The following MKLN1 variants were observed in gnomAD, a reference collection of about 807,000 sequenced individuals.
The protein encoded by MKLN1 is muskelin.
Under a neutral mutation model 99.0 loss-of-function variants are expected in MKLN1, and 18 were observed. The observed-to-expected ratio is 0.18, with a 90% CI of 0.13 to 0.27. The LOEUF (loss-of-function observed/expected upper bound fraction) is 0.27. Ranked by LOEUF, MKLN1 falls within the 10% of genes least tolerant of loss-of-function variation. The probability of loss-of-function intolerance (pLI) is 1.00; values close to 1 mark genes in which losing one functional copy is unlikely to be tolerated. For synonymous variants in MKLN1, 288 were observed against 293.2 expected (o/e 0.98, Z 0.18); for missense variants, 621 against 875.9 (o/e 0.71, Z 3.67).
intron 2 of MKLN1, among the ~76,000 whole-genome samples, chr7:131,379,430 G>A (rs1351601391): frequency 3.3e-5 from 5 of 151,970 alleles, no homozygotes; most frequent in African/African-American, 1.2e-4. Flanking sequence ...AAAGAAATTG[G>A]ACACTAAAAA....
intron 3 of MKLN1, among the ~76,000 whole-genome samples, chr7:131,246,882 G>A (rs867299079): frequency 6.6e-6 from 1 of 152,130 alleles, no homozygotes. Context: ...TTCTTGTGAT[G>A]TGGTTTCTTT....
intron 2 of MKLN1, among the ~76,000 whole-genome samples, chr7:131,177,468 CA>C (rs11351761): frequency 0.31 from 33,178 of 105,862 alleles, 4,109 homozygotes; most frequent in Non-Finnish European, 0.4. Context: ...GACTCCATCT[CA>C]AAAAAAAAAA....
At chr7:131,217,904 G>A (rs995030121) in intron 3 of MKLN1, among the ~76,000 whole-genome samples, 2 of 152,198 alleles carry the variant, frequency 1.3e-5, no homozygotes, top group Non-Finnish European at 2.9e-5. Context: ...TGCAAAACTA[G>A]CAGGTTCTGC....
chr7:131,286,380 T>A, intron 3 of MKLN1, among the ~76,000 whole-genome samples: 1 of 152,220 alleles, frequency 6.6e-6, no homozygotes, highest in Non-Finnish European at 1.5e-5. Flanking sequence ...TGTGGGGTGA[T>A]CTGCAAGCAG....
chr7:131,320,832 CTCA>C (rs1470944812), intron 3 of MKLN1, among the ~76,000 whole-genome samples: 2 of 152,152 alleles, frequency 1.3e-5, no homozygotes, highest in Admixed American at 6.5e-5. Flanking sequence ...TGAAAAATAG[CTCA>C]TCATCAGTGG....
intron 2 of MKLN1, among the ~76,000 whole-genome samples, chr7:131,196,891 TA>T (rs1187921874): frequency 6.6e-6 from 1 of 152,176 alleles, no homozygotes; most frequent in Non-Finnish European, 1.5e-5. Flanking sequence ...TATAGATGTA[TA>T]CATATACACC....
chr7:131,168,726 T>G (rs372664755), intron 2 of MKLN1, among the ~76,000 whole-genome samples: 1 of 150,724 alleles, frequency 6.6e-6, no homozygotes, highest in East Asian at 1.9e-4. Flanking sequence ...TCTTTATGTA[T>G]ATTACCTCAT....
intron 1 of MKLN1, among the ~76,000 whole-genome samples, chr7:131,139,146 G>A (rs1295211796): frequency 6.6e-6 from 1 of 152,126 alleles, no homozygotes; most frequent in South Asian, 2.1e-4. Context: ...AGGAGAAGGG[G>A]TGTTTGGAAA....
chr7:131,194,025 A>G (rs1238697492), intron 2 of MKLN1, among the ~76,000 whole-genome samples: 1 of 147,064 alleles, frequency 6.8e-6, no homozygotes, highest in African/African-American at 2.5e-5. Context: ...TTTTTTCCAG[A>G]AACAGGATCT....
intron 2 of MKLN1, among the ~76,000 whole-genome samples, chr7:131,384,801 TAAG>T (rs1318058845): frequency 6.6e-6 from 1 of 152,216 alleles, no homozygotes; most frequent in African/African-American, 2.4e-5. Context: ...ATGTGCCAAA[TAAG>T]AAGTTAGTGC....
intron 1 of MKLN1, among the ~76,000 whole-genome samples, chr7:131,337,504 C>T (rs1412566720): frequency 6.6e-6 from 1 of 151,884 alleles, no homozygotes; most frequent in Non-Finnish European, 1.5e-5. Context: ...CCCATCTATT[C>T]TTAATTTTAG....
At chr7:131,215,997 G>A (rs1796976098) in intron 3 of MKLN1, among the ~76,000 whole-genome samples, 1 of 152,136 alleles carries the variant, frequency 6.6e-6, no homozygotes, top group Admixed American at 6.5e-5. Flanking sequence ...TTCCCTTTAA[G>A]GAGTCTAGAC....
chr7:131,259,186 C>G (rs1797698927), intron 3 of MKLN1, among the ~76,000 whole-genome samples: 1 of 152,158 alleles, frequency 6.6e-6, no homozygotes, highest in Non-Finnish European at 1.5e-5. Context: ...GTGAACCCCT[C>G]TTCTTACCAT....
At chr7:131,125,697 T>C (rs543244799) in intron 1 of MKLN1, among the ~76,000 whole-genome samples, 6 of 152,108 alleles carry the variant, frequency 3.9e-5, no homozygotes, top group East Asian at 3.9e-4. Context: ...AAAGTGAGAC[T>C]TCTGTCTCTG....
rs374446778 is a variant in MKLN1 at position 131,327,890 on chromosome 7, T to C, written c.-10T>C. ...CAGCGGTCGGTGGCGGCCGCTACGGTGCTGACAAGATGGCGGCTGGCGGAG... is the reference window on the plus strand; with the variant it reads ...CAGCGGTCGGTGGCGGCCGCTACGGCGCTGACAAGATGGCGGCTGGCGGAG... On this transcript the variant is annotated 5_prime_UTR_variant, in exon 1 of 18. Transcript: ENST00000352689. 3.1e-6 allele frequency: 5 copies of C among 1,611,468 alleles called. No homozygotes were observed. The highest frequency in any genetic ancestry group is 2.2e-5 in the East Asian group (1 of 44,818).
intron 1 of MKLN1, among the ~76,000 whole-genome samples, chr7:131,116,045 C>T (rs1222536793): frequency 6.6e-6 from 1 of 152,148 alleles, no homozygotes; most frequent in Admixed American, 6.5e-5. Context: ...GTGGCTCACG[C>T]CTGTAATCCC....
chr7:131,445,967 A>AT, intron 12 of MKLN1, 64 bp downstream of exon 12: 4 of 1,101,068 alleles, frequency 3.6e-6, no homozygotes, highest in Non-Finnish European at 3.8e-6. Context: ...ACTGCAGTTC[A>AT]TTCTCTTTTC....
At chr7:131,195,173 G>T (rs1735793293) in intron 2 of MKLN1, among the ~76,000 whole-genome samples, 1 of 152,092 alleles carries the variant, frequency 6.6e-6, no homozygotes, top group South Asian at 2.1e-4. Flanking sequence ...TCATCAGATT[G>T]GTCTCAGGGG....
At chr7:131,275,568 T>TATATA (rs1491144880) in intron 3 of MKLN1, among the ~76,000 whole-genome samples, 41 of 14,784 alleles carry the variant, frequency 2.8e-3, no homozygotes, top group African/African-American at 4.0e-3. Context: ...TATATATATA[T>TATATA]TTTTTTTTTT....
Sources: gnomAD v4.1 joint callset for allele counts (sites outside exome capture counted in the v4.1 genomes callset) on GRCh38, gnomAD v4.1.1 for gene constraint, MANE v1.5 for transcripts, NCBI Gene and HGNC (gene_info 2026-07-23, HGNC 2026-07-21) for gene names.